The following MGLL variants were observed in gnomAD, a reference collection of about 807,000 sequenced individuals.
The protein encoded by MGLL is lysophospholipase homolog.
A neutral mutation model predicts 29.1 loss-of-function variants in MGLL; 7 were observed. That is an observed-to-expected ratio of 0.24 (90% CI 0.14 to 0.45). The LOEUF (loss-of-function observed/expected upper bound fraction) is 0.45, where lower values mean the gene tolerates loss of function less well. Among genes scored for constraint, MGLL ranks in the 20% least tolerant of loss-of-function variants. MGLL has a pLI of 0.99. For synonymous variants in MGLL, 148 were observed against 168.3 expected (o/e 0.88, Z 0.93); for missense variants, 356 against 413.6 (o/e 0.86, Z 1.21).
At chr3:127,770,547 C>T (rs959577746) in intron 3 of MGLL, among the ~76,000 whole-genome samples, 2 of 152,032 alleles carry the variant, frequency 1.3e-5, no homozygotes, top group East Asian at 1.9e-4. Context: ...CAGAAAGAAC[C>T]GAGATGGCAG....
At chr3:127,763,702 C>T (rs1006780452) in intron 3 of MGLL, among the ~76,000 whole-genome samples, 2 of 152,208 alleles carry the variant, frequency 1.3e-5, no homozygotes, top group Admixed American at 1.3e-4. Flanking sequence ...TCCCTCTGTG[C>T]TGCCTCGCTG....
intron 2 of MGLL, among the ~76,000 whole-genome samples, chr3:127,807,454 T>C (rs574954517): frequency 1.1e-4 from 16 of 152,094 alleles, no homozygotes; most frequent in Admixed American, 6.6e-5. Context: ...GTTTTCCTAT[T>C]CTTTATTTCA....
intron 3 of MGLL, among the ~76,000 whole-genome samples, chr3:127,755,553 T>A (rs960736820): frequency 1.3e-5 from 2 of 152,144 alleles, no homozygotes; most frequent in Non-Finnish European, 2.9e-5. Flanking sequence ...GCGGACCACA[T>A]GCAGCGGCGA....
At chr3:127,698,856 C>T (rs2075423071) in intron 6 of MGLL, among the ~76,000 whole-genome samples, 1 of 152,228 alleles carries the variant, frequency 6.6e-6, no homozygotes, top group Non-Finnish European at 1.5e-5. Context: ...GGCTTTGGCA[C>T]AGTCTCTCAC....
At chr3:127,815,993 G>A (rs1200848295) in intron 2 of MGLL, among the ~76,000 whole-genome samples, 1 of 152,198 alleles carries the variant, frequency 6.6e-6, no homozygotes, top group Non-Finnish European at 1.5e-5. Flanking sequence ...GAGCCGTATG[G>A]GGTAGCCACA....
intron 2 of MGLL, among the ~76,000 whole-genome samples, chr3:127,798,640 C>T (rs1427433091): frequency 6.6e-6 from 1 of 152,232 alleles, no homozygotes; most frequent in African/African-American, 2.4e-5. Context: ...ACCCTGCCCC[C>T]AGTTTCCCCC....
At chr3:127,748,304 C>T (rs560238529) in intron 3 of MGLL, among the ~76,000 whole-genome samples, 1 of 151,758 alleles carries the variant, frequency 6.6e-6, no homozygotes, top group Non-Finnish European at 1.5e-5. Flanking sequence ...GGTTACGCAT[C>T]GCAGTCTGTT....
chr3:127,754,231 T>A (rs2076615245), intron 3 of MGLL, among the ~76,000 whole-genome samples: 1 of 151,752 alleles, frequency 6.6e-6, no homozygotes, highest in Admixed American at 6.6e-5. Context: ...TGCCGCCCAC[T>A]CCCCACCAAG....
chr3:127,722,740 A>C (rs1341714086), intron 3 of MGLL, among the ~76,000 whole-genome samples, 174 bp from the exon 4 acceptor site: 1 of 152,126 alleles, frequency 6.6e-6, no homozygotes, highest in Admixed American at 6.5e-5. Flanking sequence ...CTTTTTATGG[A>C]TTAGGAAACT....
intron 2 of MGLL, among the ~76,000 whole-genome samples, chr3:127,818,094 G>A (rs903393435): frequency 3.9e-5 from 6 of 152,226 alleles, no homozygotes; most frequent in African/African-American, 1.4e-4. Flanking sequence ...CCGAGTAGCG[G>A]GGGCTACAGG....
intron 3 of MGLL, among the ~76,000 whole-genome samples, chr3:127,779,281 C>T (rs941641032): frequency 3.3e-5 from 5 of 152,104 alleles, no homozygotes; most frequent in Non-Finnish European, 5.9e-5. Context: ...ACAGGATAAT[C>T]GCTTGAACCC....
At chr3:127,768,792 G>A (rs564769408) in intron 3 of MGLL, among the ~76,000 whole-genome samples, 183 of 152,252 alleles carry the variant, frequency 1.2e-3, no homozygotes, top group African/African-American at 4.2e-3. Flanking sequence ...TCACTCATGT[G>A]TCTACCCCTG....
chr3:127,731,435 C>T (rs1228762079), intron 3 of MGLL, among the ~76,000 whole-genome samples: 1 of 151,894 alleles, frequency 6.6e-6, no homozygotes, highest in African/African-American at 2.4e-5. Context: ...TATGTATTAA[C>T]TATGTTTTTA....
At chr3:127,792,548 C>CA (rs2077318277) in intron 2 of MGLL, among the ~76,000 whole-genome samples, 1 of 152,130 alleles carries the variant, frequency 6.6e-6, no homozygotes, top group Non-Finnish European at 1.5e-5. Context: ...ACTAAAAATA[C>CA]AAAAATTAGC....
At chr3:127,739,866 T>G (rs507961) in intron 3 of MGLL, among the ~76,000 whole-genome samples, 2 of 152,122 alleles carry the variant, frequency 1.3e-5, no homozygotes, top group Non-Finnish European at 2.9e-5. Context: ...CAGCCCCCAG[T>G]GCACCTTTGC....
At chr3:127,753,634 T>C (rs2076598521) in intron 3 of MGLL, among the ~76,000 whole-genome samples, 2 of 152,268 alleles carry the variant, frequency 1.3e-5, no homozygotes, top group Non-Finnish European at 2.9e-5. Flanking sequence ...ATTGGGTAGC[T>C]GTGCACAGAC....
chr3:127,774,952 G>A (rs1234440492), intron 3 of MGLL, among the ~76,000 whole-genome samples: 1 of 78,218 alleles, frequency 1.3e-5, no homozygotes, highest in Non-Finnish European at 2.7e-5. Flanking sequence ...GCCACATGGA[G>A]GTTTTTGTTT....
intron 2 of MGLL, among the ~76,000 whole-genome samples, chr3:127,803,935 C>T (rs987636389): frequency 2.6e-5 from 4 of 152,100 alleles, no homozygotes; most frequent in Non-Finnish European, 4.4e-5. Flanking sequence ...TTGAGTGTAC[C>T]CCAGTGCAGA....
chr3:127,795,708 G>A (rs1188622595), intron 2 of MGLL, among the ~76,000 whole-genome samples: 1 of 151,958 alleles, frequency 6.6e-6, no homozygotes, highest in Non-Finnish European at 1.5e-5. Context: ...TTTATAAAGT[G>A]AAAAAAGCAT....
Sources: gnomAD v4.1 joint callset for allele counts (sites outside exome capture counted in the v4.1 genomes callset) on GRCh38, gnomAD v4.1.1 for gene constraint, MANE v1.5 for transcripts, NCBI Gene and HGNC (gene_info 2026-07-23, HGNC 2026-07-21) for gene names.